Variants in MT1M observed in about 807,000 individuals in gnomAD.
MT1M encodes metallothionein-1M.
MT1M carries 11 observed loss-of-function variants against 8.5 expected under a neutral mutation model. The ratio of observed to expected loss-of-function variants is 1.29; its 90% CI spans 0.81 to 2.14. The LOEUF is 2.14. Ranked by LOEUF, MT1M falls within the 30% of genes most tolerant of loss-of-function variation. The probability of loss-of-function intolerance (pLI) is 0.00; values close to 1 mark genes in which losing one functional copy is unlikely to be tolerated. For synonymous variants in MT1M, 28 were observed against 30.0 expected, an observed-to-expected ratio of 0.93 and a Z score of 0.22; for missense variants, 84 against 76.6, an observed-to-expected ratio of 1.10 and a Z score of -0.36.
At chr16:56,633,478 G>A (rs746828372) in intron 2 of MT1M, 73 bp downstream of exon 2, 3 of 1,614,086 alleles carry the variant, frequency 1.9e-6, no homozygotes, top group Non-Finnish European at 1.7e-6. Flanking sequence ...CTGGCCCTGA[G>A]TGCATCCTTC....
intron 1 of MT1M, 29 bp from the exon 2 acceptor site, chr16:56,633,311 T>A: frequency 6.2e-7 from 1 of 1,614,180 alleles, no homozygotes; most frequent in Non-Finnish European, 8.5e-7. Context: ...TCTCACTCAC[T>A]GCCCACTGCG....
chr16:56,633,516 T>C (rs767822872), intron 2 of MT1M, 111 bp downstream of exon 2: 3 of 1,606,588 alleles, frequency 1.9e-6, no homozygotes, highest in African/African-American at 1.3e-5. Context: ...TTTGCCCTCA[T>C]TGCCCGTGTC....
intron 1 of MT1M, among the ~76,000 whole-genome samples, chr16:56,633,112 C>G (rs1567343826): frequency 6.6e-6 from 1 of 152,220 alleles, no homozygotes; most frequent in African/African-American, 2.4e-5. Context: ...GGCTGGCAAT[C>G]TCAGTATTCC....
chr16:56,632,855 G>A (rs1162279352), intron 1 of MT1M, 96 bp downstream of exon 1: 30 of 1,485,030 alleles, frequency 2.0e-5, no homozygotes, highest in East Asian at 1.6e-4. Flanking sequence ...AGTTCTGAGC[G>A]GAAGGGAATT....
chr16:56,633,457 G>T lies in MT1M; in HGVS notation c.94+52G>T, dbSNP rs1304248469. ...CTGGGGCTGTGGCTGAGATTGGGAG[G>T]GAACCCAAGGCTGGCCCTGAGTGCA... is the stretch of plus-strand genomic sequence containing the variant. On this transcript the variant is annotated intron_variant, in intron 2 of 2. Transcript: ENST00000379818. The T allele has an allele frequency of 8.1e-6, 13 of 1,614,088 alleles. No individual in the cohort carries two copies. In the Admixed American group the frequency reaches 1.8e-4, roughly 23 times the overall value.
rs199506795 is a variant in MT1M, at chr16:56,633,350, C to T, written c.39C>T (p.Cys13=). The T allele has an allele frequency of 3.3e-5, 53 of 1,614,102 alleles. No individual in the cohort carries two copies. The highest frequency in any genetic ancestry group is 8.9e-5 in the East Asian group (4 of 44,884). Residue 13 remains cysteine, a synonymous_variant, in exon 2 of 3, where the codon TGC becomes TGT. Transcript: ENST00000379818. The part of the protein sequence containing the change: ...PNCSCTTGVS[C]ACTGSCTCKE... ...TTCTCTTCCTTGCAGGTGTCTCCTG[C>T]GCCTGCACCGGCTCCTGCACGTGCA...
intron 2 of MT1M, 53 bp from the exon 3 acceptor site, chr16:56,633,698 A>C: frequency 6.2e-7 from 1 of 1,609,470 alleles, no homozygotes; most frequent in East Asian, 2.2e-5. Flanking sequence ...CTATTGGGGC[A>C]GGGCGGTGCC....
rs141213383 is a variant in MT1M, at chr16:56,632,850, T to C, written c.28+91T>C. The C allele has an allele frequency of 1.3e-4, 190 of 1,517,252 alleles. No individual in the cohort carries two copies. In the Middle Eastern group the frequency reaches 3.2e-3, roughly 25 times the overall value. 94.0% of individuals were successfully genotyped at this position (1,517,252 alleles called of 1,614,324 possible). A position where few individuals can be genotyped will look rare whatever the true frequency, so the allele number is the denominator to read the frequency against. On this transcript the variant is annotated intron_variant, in intron 1 of 2. Coordinates refer to ENST00000379818, the MANE Select transcript of MT1M (RefSeq NM_176870.3). ...GTTTGAGGAGGTCGCATTTAAGTTC[T>C]GAGCGGAAGGGAATTCCTTTACTTC...
Position 56,633,978 on chromosome 16 carries a change from T to G in MT1M, c.*136T>G. ...GAGTGACAATAAAACAATTTTGACT[T>G]GAATCTTACTCTGTTCTTCTTTGTG... On this transcript the variant is annotated 3_prime_UTR_variant, in exon 3 of 3. Transcript: ENST00000379818. The G allele has an allele frequency of 1.0e-6, 1 of 960,254 alleles. No individual in the cohort carries two copies. Among genetic ancestry groups the G allele is most frequent in the Admixed American group, 2.5e-5 (1 of 39,584 alleles). The allele number at this position is 960,254 out of a possible 1,614,324, so 59.5% of individuals were successfully genotyped here. A position where few individuals can be genotyped will look rare whatever the true frequency, so the allele number is the denominator to read the frequency against.
chr16:56,633,835 G>A lies in MT1M; in HGVS notation c.179G>A (p.Cys60Tyr). The A allele has an allele frequency of 6.2e-7, 1 of 1,614,226 alleles. No individual in the cohort carries two copies. The highest frequency in any genetic ancestry group is 8.5e-7 in the Non-Finnish European group (1 of 1,180,038). Residue 60 changes from cysteine to tyrosine, a missense_variant, in exon 3 of 3, where the codon TGT becomes TAT. Transcript: ENST00000379818. ...CKGTLENCSC[C>Y]A is the part of the protein sequence containing the mutation. ...GGGACGTTGGAGAACTGCAGCTGCTGTGCCTGATGTGGGAACAGCTCTTCT... is the reference window on the plus strand; with the variant it reads ...GGGACGTTGGAGAACTGCAGCTGCTATGCCTGATGTGGGAACAGCTCTTCT...
intron 2 of MT1M, 161 bp from the exon 3 acceptor site, chr16:56,633,590 C>T: frequency 1.3e-6 from 2 of 1,595,670 alleles, no homozygotes; most frequent in East Asian, 2.3e-5. Context: ...TCTCTTGGGA[C>T]ACAAATCCCA....
chr16:56,633,315 C>G, intron 1 of MT1M, 25 bp from the exon 2 acceptor site: 4 of 1,614,142 alleles, frequency 2.5e-6, no homozygotes, highest in Non-Finnish European at 3.4e-6. Context: ...ACTCACTGCC[C>G]ACTGCGTTTT....
At chr16:56,633,510 C>T (rs769155338) in intron 2 of MT1M, 105 bp downstream of exon 2, 6 of 1,608,176 alleles carry the variant, frequency 3.7e-6, no homozygotes, top group South Asian at 1.1e-5. Context: ...GCTTTCTTTG[C>T]CCTCATTGCC....
In MT1M at chr16:56,633,732, C is replaced by T. The variant is rs751508647; in HGVS notation, c.95-19C>T. On this transcript the variant is annotated intron_variant, in intron 2 of 2. Transcript: ENST00000379818. Reference sequence around the variant, plus strand: ...CCCGGTCAAGTCTACTGCTACCTCTCTCTCCCCTTCTTCCCCAGGCTGCTG... The same window carrying T: ...CCCGGTCAAGTCTACTGCTACCTCTTTCTCCCCTTCTTCCCCAGGCTGCTG... The T allele has an allele frequency of 8.1e-6, 13 of 1,613,832 alleles. No homozygotes were observed. The African/African-American group carries it at 1.5e-4, about 18-fold the overall frequency.
intron 1 of MT1M, among the ~76,000 whole-genome samples, 159 bp downstream of exon 1, chr16:56,632,918 CT>C (rs1960307848): frequency 6.6e-6 from 1 of 152,204 alleles, no homozygotes; most frequent in Non-Finnish European, 1.5e-5. Flanking sequence ...GAGCACTGCC[CT>C]CCCTCCTGGG....
intron 2 of MT1M, 63 bp from the exon 3 acceptor site, chr16:56,633,688 C>T: frequency 6.2e-7 from 1 of 1,606,870 alleles, no homozygotes; most frequent in African/African-American, 1.3e-5. Context: ...GCCAGGCTTG[C>T]TATTGGGGCA....
In MT1M at chr16:56,633,868, G is replaced by A. The variant is rs753649398; in HGVS notation, c.*26G>A. 1 of 1,612,640 alleles carries A rather than the reference G, an allele frequency of 6.2e-7. No individual in the cohort carries two copies. Among genetic ancestry groups the A allele is most frequent in the South Asian group, 1.1e-5 (1 of 91,034 alleles). On this transcript the variant is annotated 3_prime_UTR_variant, in exon 3 of 3. Coordinates refer to ENST00000379818, the MANE Select transcript of MT1M (RefSeq NM_176870.3). ...TGTGGGAACAGCTCTTCTCCCAGATGTTAATAGAACAAGCTGCACAACCTG... is the reference window on the plus strand; with the variant it reads ...TGTGGGAACAGCTCTTCTCCCAGATATTAATAGAACAAGCTGCACAACCTG...
intron 1 of MT1M, 151 bp from the exon 2 acceptor site, chr16:56,633,189 G>C (rs1253113826): frequency 7.7e-7 from 1 of 1,302,428 alleles, no homozygotes; most frequent in East Asian, 2.3e-5. Flanking sequence ...CCTTCCCAGC[G>C]TTAGTGGAGA....
rs771200968 is a variant in MT1M, at chr16:56,633,406, G to T, written c.94+1G>T. On this transcript the variant is annotated splice_donor_variant, in intron 2 of 2. Coordinates refer to ENST00000379818, the MANE Select transcript of MT1M (RefSeq NM_176870.3). LOFTEE classifies it high-confidence loss of function. The stretch of plus-strand genomic sequence containing the variant: ...TGCAAATGCACCTCCTGCAAGAAGA[G>T]TGAGTGCGGGGCCATCTCCAGGAAT... 1.9e-6 allele frequency: 3 copies of T among 1,614,140 alleles called. No homozygotes were observed. The East Asian group carries it at 6.7e-5, about 36-fold the overall frequency.
Sources: gnomAD v4.1 joint callset for allele counts (sites outside exome capture counted in the v4.1 genomes callset) on GRCh38, gnomAD v4.1.1 for gene constraint, MANE v1.5 for transcripts, NCBI Gene and HGNC (gene_info 2026-07-23, HGNC 2026-07-21) for gene names.